Variants in TRPM3 observed in about 807,000 individuals in gnomAD.
TRPM3 encodes the protein transient receptor potential cation channel subfamily M member 3.
TRPM3 carries 77 observed loss-of-function variants against 181.2 expected under a neutral mutation model. That is an observed-to-expected ratio of 0.42 (90% confidence interval 0.35 to 0.51). The LOEUF (loss-of-function observed/expected upper bound fraction) is 0.51. TRPM3 is among the 20% of genes least tolerant of loss of function. The pLI, the probability that TRPM3 is intolerant of heterozygous loss-of-function variation, is 0.01. For synonymous variants in TRPM3, 745 were observed against 796.4 expected (o/e 0.94, Z 1.09); for missense variants, 1,759 against 2,196.7 (o/e 0.80, Z 3.98).
At chr9:70,805,244 G>T (rs1588601089) in intron 6 of TRPM3, among the ~76,000 whole-genome samples, 1 of 151,108 alleles carries the variant, frequency 6.6e-6, no homozygotes, top group Non-Finnish European at 1.5e-5. Context: ...TGGTGGTGGG[G>T]GGAGACAGAG....
intron 1 of TRPM3, among the ~76,000 whole-genome samples, chr9:71,034,713 A>C (rs1010942293): frequency 4.7e-5 from 7 of 150,172 alleles, no homozygotes; most frequent in Non-Finnish European, 1.0e-4. Context: ...GAGTATTTAC[A>C]TCATGGAAAT....
At position 70,813,166 on chromosome 9, in the gene TRPM3, T is replaced by C. The variant is rs1369302171; in HGVS notation, c.973+14681A>G. On this transcript the variant is annotated intron_variant, in intron 6 of 25. Transcript: ENST00000677713. ...AAAGCAATGCGCTAAGTGATGCTCATTGTCTGAATTCCTGTAGCACTTTAT... is the reference window on the plus strand; with the variant it reads ...AAAGCAATGCGCTAAGTGATGCTCACTGTCTGAATTCCTGTAGCACTTTAT... 2.0e-5 allele frequency among the ~76,000 whole-genome samples: 3 copies of C among 152,168 alleles called. No homozygotes were observed. The East Asian group carries it at 5.8e-4, about 29-fold the overall frequency.
chr9:71,069,996 G>T (rs1372809217), intron 1 of TRPM3, among the ~76,000 whole-genome samples: 4 of 152,178 alleles, frequency 2.6e-5, no homozygotes, highest in Non-Finnish European at 4.4e-5. Flanking sequence ...AAAGCCACCA[G>T]TCTAATACTT....
exon 1 of TRPM3, chr9:71,446,669 G>A: frequency 6.5e-7 from 1 of 1,550,166 alleles, no homozygotes; most frequent in South Asian, 1.2e-5. Flanking sequence ...CTGCTGCGAC[G>A]GGAGTCCCGA....
At chr9:71,381,723 T>C (rs1715362674) in intron 1 of TRPM3, among the ~76,000 whole-genome samples, 1 of 152,130 alleles carries the variant, frequency 6.6e-6, no homozygotes, top group Admixed American at 6.6e-5. Flanking sequence ...AAGATTGGAA[T>C]GGGAGTATGT....
At chr9:70,578,573 ACTTGGTCTT>A (rs745551980) in intron 22 of TRPM3, among the ~76,000 whole-genome samples, 29 of 152,230 alleles carry the variant, frequency 1.9e-4, no homozygotes, top group Admixed American at 5.2e-4. Context: ...CGATGTCCTA[ACTTGGTCTT>A]TGGTCTGAAG....
At chr9:70,575,628 GA>G (rs925671889) in intron 22 of TRPM3, among the ~76,000 whole-genome samples, 5 of 151,872 alleles carry the variant, frequency 3.3e-5, no homozygotes, top group South Asian at 2.1e-4. Flanking sequence ...TATTCATTTG[GA>G]AAAAAAATGC....
At chr9:71,353,133 T>G (rs1417377330) in intron 1 of TRPM3, among the ~76,000 whole-genome samples, 1 of 152,024 alleles carries the variant, frequency 6.6e-6, no homozygotes, top group Non-Finnish European at 1.5e-5. Flanking sequence ...CAGGTCATAT[T>G]CATCCTTCAG....
chr9:70,622,866 CTCTT>C (rs1442303234), intron 14 of TRPM3, among the ~76,000 whole-genome samples: 2 of 152,254 alleles, frequency 1.3e-5, no homozygotes, highest in Non-Finnish European at 2.9e-5. Context: ...TTTTCTCTCT[CTCTT>C]TCAGCTTCTA....
upstream of TRPM3, among the ~76,000 whole-genome samples, chr9:71,125,678 T>C (rs899295093): frequency 2.6e-5 from 4 of 152,298 alleles, no homozygotes; most frequent in East Asian, 1.9e-4. Flanking sequence ...ATCTTTAAAA[T>C]AGAATGATTT....
At chr9:70,916,946 T>C (rs763564066) in intron 1 of TRPM3, 25 of 1,307,470 alleles carry the variant, frequency 1.9e-5, no homozygotes, top group Non-Finnish European at 2.3e-5. Context: ...GCACTGCAAA[T>C]TGGCTTAGGC....
At chr9:70,607,226 T>G (rs1206247378) in intron 19 of TRPM3, among the ~76,000 whole-genome samples, 1 of 152,084 alleles carries the variant, frequency 6.6e-6, no homozygotes, top group Non-Finnish European at 1.5e-5. Context: ...TTTCAGAAAC[T>G]TGGGAGAGTA....
chr9:70,863,229 G>A, intron 2 of TRPM3, 117 bp from the exon 3 acceptor site: 1 of 801,412 alleles, frequency 1.2e-6, no homozygotes, highest in Non-Finnish European at 2.0e-6. Context: ...TCAATTCTCA[G>A]GAAGAATTCC....
chr9:70,911,732 T>G (rs1271803695), intron 1 of TRPM3, among the ~76,000 whole-genome samples: 1 of 152,176 alleles, frequency 6.6e-6, no homozygotes, highest in Non-Finnish European at 1.5e-5. Flanking sequence ...GATTCTAGTT[T>G]CTAAATATGT....
chr9:71,025,771 C>T (rs2097890984), intron 1 of TRPM3, among the ~76,000 whole-genome samples: 1 of 152,146 alleles, frequency 6.6e-6, no homozygotes, highest in Non-Finnish European at 1.5e-5. Context: ...AGAGCCTGCT[C>T]CAAGATGTCC....
rs2041055819 is a variant in TRPM3, at chr9:70,532,695, TG to T, written c.*3257del. 1 of 152,232 alleles carries T rather than the reference TG, an allele frequency of 6.6e-6. No homozygotes were observed. The highest frequency in any genetic ancestry group is 1.5e-5 in the Non-Finnish European group (1 of 68,050). The allele number at this position is 152,232 out of a possible 1,614,324, so 9.4% of individuals were successfully genotyped here. ...GAACAAATCATTACATATAGTAGTATGTAAAAATTGGCACCTTTGAAGCAGA... is the reference window on the plus strand; with the variant it reads ...GAACAAATCATTACATATAGTAGTATTAAAAATTGGCACCTTTGAAGCAGA... On this transcript the variant is annotated 3_prime_UTR_variant, in exon 26 of 26. Transcript: ENST00000677713.
Position 70,651,899 on chromosome 9 carries a change from GTAT to G in TRPM3, c.1346-11242_1346-11240del, listed in dbSNP as rs1346784713. 3.3e-5 allele frequency among the ~76,000 whole-genome samples: 5 copies of G among 152,082 alleles called. No individual in the cohort carries two copies. The East Asian group carries it at 5.8e-4, about 18-fold the overall frequency. On this transcript the variant is annotated intron_variant, in intron 9 of 25. Transcript: ENST00000677713. ...GTGTTCTGATCAAAGCTTTGCATTAGTATTATTAGTATTCCTCTAACTGAAATA... is the reference window on the plus strand; with the variant it reads ...GTGTTCTGATCAAAGCTTTGCATTAGTATTAGTATTCCTCTAACTGAAATA...
At chr9:70,905,276 C>A (rs756465221) in intron 1 of TRPM3, among the ~76,000 whole-genome samples, 2 of 152,110 alleles carry the variant, frequency 1.3e-5, no homozygotes, top group Non-Finnish European at 2.9e-5. Context: ...CCTGGAGATA[C>A]CAAATACACA....
chr9:70,960,712 C>T (rs906559689), intron 1 of TRPM3, among the ~76,000 whole-genome samples: 1 of 152,128 alleles, frequency 6.6e-6, no homozygotes, highest in Non-Finnish European at 1.5e-5. Context: ...GGTACTTTCT[C>T]GTTCTCACAT....
Sources: allele counts gnomAD v4.1 joint callset (sites outside exome capture counted in the v4.1 genomes callset), GRCh38; gene constraint gnomAD v4.1.1; transcripts MANE v1.5; gene names NCBI Gene and HGNC (gene_info 2026-07-23, HGNC 2026-07-21).